Variants in PCDHGA4 observed in about 807,000 individuals in gnomAD.
PCDHGA4 encodes the protein protocadherin gamma subfamily A, 4.
In PCDHGA4, 38 loss-of-function variants were observed where a neutral mutation model predicts 54.6. The observed-to-expected ratio is 0.70, with a 90% CI of 0.54 to 0.91. PCDHGA4 has a LOEUF of 0.91. Among genes scored for constraint, PCDHGA4 ranks in the 40% least tolerant of loss-of-function variants. PCDHGA4 has a pLI of 0.00. For synonymous variants in PCDHGA4, 511 were observed against 512.9 expected (o/e 1.00, Z 0.05); for missense variants, 1,298 against 1,220.9 (o/e 1.06, Z -0.94).
chr5:141,419,276 C>G (rs1361651445), intron 1 of PCDHGA4: 1 of 1,613,920 alleles, frequency 6.2e-7, no homozygotes, highest in African/African-American at 1.3e-5. Flanking sequence ...CTCCATAGCG[C>G]AAGTCAGTGC....
chr5:141,478,420 C>A, intron 1 of PCDHGA4: 1 of 1,613,676 alleles, frequency 6.2e-7, no homozygotes, highest in Non-Finnish European at 8.5e-7. Context: ...ACTCCCGCCG[C>A]AGCGACCCGC....
At chr5:141,444,783 C>A (rs551686741) in intron 1 of PCDHGA4, among the ~76,000 whole-genome samples, 2 of 152,100 alleles carry the variant, frequency 1.3e-5, no homozygotes, top group Non-Finnish European at 2.9e-5. Context: ...GATCATGTTT[C>A]ATTTGTCTAT....
In PCDHGA4 at chr5:141,450,548, G is replaced by A. The variant is rs186010209; in HGVS notation, c.2515-44259G>A. 3.3e-4 allele frequency among the ~76,000 whole-genome samples: 50 copies of A among 151,716 alleles called. 1 individual carries two copies. Among genetic ancestry groups the A allele is most frequent in the African/African-American group, 9.9e-4 (41 of 41,366 alleles). On this transcript the variant is annotated intron_variant, in intron 1 of 3. Transcript: ENST00000571252. ...GTCACCCAGGCTGGAATGCAGTGGC[G>A]CAGTCTCGGCTCACTGCAACTTCTG... is the stretch of plus-strand genomic sequence containing the variant.
At chr5:141,366,394 C>A in intron 1 of PCDHGA4, 1 of 1,614,168 alleles carries the variant, frequency 6.2e-7, no homozygotes, top group Non-Finnish European at 8.5e-7. Flanking sequence ...AGGATCTGGA[C>A]CTCACACTCT....
At chr5:141,426,844 A>C (rs1397752566) in intron 1 of PCDHGA4, 1 of 456,628 alleles carries the variant, frequency 2.2e-6, no homozygotes, top group Non-Finnish European at 4.4e-6. Context: ...ACTAAAGGCA[A>C]GAACGCTCCA....
chr5:141,386,030 A>G (rs2090434667), intron 1 of PCDHGA4: 1 of 152,256 alleles, frequency 6.6e-6, no homozygotes, highest in African/African-American at 2.4e-5. Flanking sequence ...CATTTGTGAC[A>G]TAGGCAATTA....
At chr5:141,506,934 G>A (rs187503673) in intron 3 of PCDHGA4, among the ~76,000 whole-genome samples, 54 of 152,232 alleles carry the variant, frequency 3.5e-4, no homozygotes, top group African/African-American at 1.3e-3. Flanking sequence ...AAACTTTAGG[G>A]GCCTCCTGTC....
At chr5:141,505,336 G>A in intron 2 of PCDHGA4, 57 bp from the exon 3 acceptor site, 2 of 1,611,374 alleles carry the variant, frequency 1.2e-6, no homozygotes, top group South Asian at 1.1e-5. Flanking sequence ...GAGGACAGGA[G>A]GGGCATGAGC....
At chr5:141,368,499 G>C (rs1391228187) in intron 1 of PCDHGA4, among the ~76,000 whole-genome samples, 2 of 152,070 alleles carry the variant, frequency 1.3e-5, no homozygotes, top group African/African-American at 2.4e-5. Context: ...TATACAGTAG[G>C]TGTCGACATT....
At chr5:141,498,264 C>A (rs1272117057) in intron 2 of PCDHGA4, among the ~76,000 whole-genome samples, 2 of 152,016 alleles carry the variant, frequency 1.3e-5, no homozygotes, top group Admixed American at 1.3e-4. Context: ...GTGTTGAGTT[C>A]TTCAGTAAAC....
chr5:141,375,655 G>C (rs117560542), intron 1 of PCDHGA4: 2 of 1,614,128 alleles, frequency 1.2e-6, no homozygotes, highest in African/African-American at 2.7e-5. Context: ...ACTATGAGCA[G>C]TTGAGAGACC....
chr5:141,437,719 TA>T (rs1316054877), intron 1 of PCDHGA4, among the ~76,000 whole-genome samples: 1 of 151,332 alleles, frequency 6.6e-6, no homozygotes, highest in African/African-American at 2.4e-5. Context: ...AGTTACCCTC[TA>T]ATGTTACACT....
chr5:141,418,740 T>C, intron 1 of PCDHGA4: 1 of 1,613,972 alleles, frequency 6.2e-7, no homozygotes, highest in Admixed American at 1.7e-5. Context: ...GTGTTCTCTC[T>C]GGATTACACT....
At chr5:141,402,407 A>G (rs1365068565) in intron 1 of PCDHGA4, among the ~76,000 whole-genome samples, 1 of 152,106 alleles carries the variant, frequency 6.6e-6, no homozygotes, top group African/African-American at 2.4e-5. Context: ...AATTGTTAAG[A>G]TACACAGAAA....
At chr5:141,467,455 GCTAGTA>G (rs2099144342) in intron 1 of PCDHGA4, among the ~76,000 whole-genome samples, 1 of 152,192 alleles carries the variant, frequency 6.6e-6, no homozygotes, top group African/African-American at 2.4e-5. Context: ...TTCTTCCAGT[GCTAGTA>G]CTTGCATGGT....
intron 1 of PCDHGA4, chr5:141,396,749 A>G (rs944470602): frequency 1.3e-5 from 2 of 152,368 alleles, no homozygotes; most frequent in African/African-American, 4.8e-5. Flanking sequence ...GTAGAAGTAG[A>G]TGACCCAATA....
At chr5:141,502,398 C>T (rs1303456458) in intron 2 of PCDHGA4, among the ~76,000 whole-genome samples, 1 of 151,688 alleles carries the variant, frequency 6.6e-6, no homozygotes, top group Non-Finnish European at 1.5e-5. Flanking sequence ...TTAAAATGTC[C>T]CCGAACCTGG....
chr5:141,500,124 A>G (rs1042231430), intron 2 of PCDHGA4, among the ~76,000 whole-genome samples: 2 of 151,656 alleles, frequency 1.3e-5, no homozygotes, highest in African/African-American at 2.4e-5. Flanking sequence ...GCCTTTTCAT[A>G]TATATCTTTC....
At chr5:141,399,123 T>C (rs1221457638) in intron 1 of PCDHGA4, 12 of 1,613,828 alleles carry the variant, frequency 7.4e-6, no homozygotes, top group East Asian at 2.2e-5. Context: ...TTGAAATTAA[T>C]ATTCAAGATG....
Sources: allele counts gnomAD v4.1 joint callset (sites outside exome capture counted in the v4.1 genomes callset), GRCh38; gene constraint gnomAD v4.1.1; transcripts MANE v1.5; gene names NCBI Gene and HGNC (gene_info 2026-07-23, HGNC 2026-07-21).